Variants in PCP2 observed in about 807,000 individuals in gnomAD.
PCP2 encodes Purkinje cell protein 2 homolog.
PCP2 carries 21 observed loss-of-function variants against 18.3 expected under a neutral mutation model. That is an observed-to-expected ratio of 1.14 (90% confidence interval 0.81 to 1.65). The LOEUF (loss-of-function observed/expected upper bound fraction) is 1.65, where lower values mean the gene tolerates loss of function less well. Ranked by LOEUF, PCP2 falls within the 40% of genes most tolerant of loss-of-function variation. The probability of loss-of-function intolerance (pLI) is 0.00; values close to 1 mark genes in which losing one functional copy is unlikely to be tolerated. For synonymous variants in PCP2, 85 were observed against 77.6 expected (o/e 1.10, Z -0.50); for missense variants, 202 against 201.8 (o/e 1.00, Z 0.00).
chr19:7,634,751 C>T (rs2031464379), upstream of PCP2, among the ~76,000 whole-genome samples: 1 of 152,210 alleles, frequency 6.6e-6, no homozygotes, highest in South Asian at 2.1e-4. Context: ...CAGAGCTGTG[C>T]TCCCTCTGAA....
chr19:7,635,100 C>A (rs1177947621), upstream of PCP2, among the ~76,000 whole-genome samples: 1 of 152,166 alleles, frequency 6.6e-6, no homozygotes, highest in Non-Finnish European at 1.5e-5. Context: ...TACTTCATAT[C>A]TTTTGGGGGT....
chr19:7,633,366 G>A lies in PCP2; in HGVS notation c.51+41C>T, dbSNP rs771530779. 20 of 1,541,980 alleles carry A rather than the reference G, an allele frequency of 1.3e-5. No homozygotes were observed. In the South Asian group the frequency reaches 2.3e-4, roughly 17 times the overall value. The stretch of plus-strand genomic sequence containing the variant: ...TAGTCTTGTCAATCATGGGCTCTGA[G>A]ACCTTGAGCTGGGGGTGGGGTGGGG... On this transcript the variant is annotated intron_variant, in intron 1 of 3. Transcript: ENST00000311069.
intron 1 of PCP2, chr19:7,633,036 C>T (rs2031396974): frequency 1.4e-6 from 2 of 1,425,798 alleles, no homozygotes; most frequent in South Asian, 1.5e-5. Flanking sequence ...GCCCCAGGGG[C>T]CCTGGCCAGC....
In PCP2 at chr19:7,632,929, C is replaced by A; in HGVS notation, c.52-99G>T. 6.7e-7 allele frequency: 1 copy of A among 1,494,054 alleles called. No homozygotes were observed. The highest frequency in any genetic ancestry group is 8.9e-7 in the Non-Finnish European group (1 of 1,123,980). The allele number at this position is 1,494,054 out of a possible 1,614,324, so 92.5% of individuals were successfully genotyped here. A position where few individuals can be genotyped will look rare whatever the true frequency, so the allele number is the denominator to read the frequency against. ...CTCACACCCTGACCCCGGGGCCTGCCGTCCCCACTTCCTCAGCTCTCACCA... is the reference window on the plus strand; with the variant it reads ...CTCACACCCTGACCCCGGGGCCTGCAGTCCCCACTTCCTCAGCTCTCACCA... On this transcript the variant is annotated intron_variant, in intron 1 of 3. Transcript: ENST00000311069. This position sits in a 1 kb window ranked among gnomAD's most constrained non-coding sequence, Gnocchi z 5.2.
upstream of PCP2, among the ~76,000 whole-genome samples, chr19:7,634,206 C>G (rs540194448): frequency 1.4e-4 from 21 of 152,186 alleles, no homozygotes; most frequent in African/African-American, 4.8e-4. Flanking sequence ...CAGAGGCAGG[C>G]GGGGAGAGGA....
At position 7,633,099 on chromosome 19, in the gene PCP2, G is replaced by A. The variant is rs1028305784; in HGVS notation, c.52-269C>T. On this transcript the variant is annotated intron_variant, in intron 1 of 3. Coordinates refer to ENST00000311069, the MANE Select transcript of PCP2 (RefSeq NM_174895.3). The stretch of plus-strand genomic sequence containing the variant: ...AGGGACAGGCTCCGATGCGTGTCCC[G>A]CCGTCCTAGATTGGGGCCTGATGAG... 32 of 1,138,430 alleles carry A rather than the reference G, an allele frequency of 2.8e-5. No individual in the cohort carries two copies. The East Asian group carries it at 3.4e-4, about 12-fold the overall frequency. The allele number at this position is 1,138,430 out of a possible 1,614,324, so 70.5% of individuals were successfully genotyped here. A position where few individuals can be genotyped will look rare whatever the true frequency, so the allele number is the denominator to read the frequency against.
upstream of PCP2, chr19:7,633,785 G>A (rs1286606151): frequency 5.4e-6 from 2 of 370,574 alleles, no homozygotes; most frequent in Admixed American, 4.6e-5. Flanking sequence ...AGTTGGAGAA[G>A]GGAGGCCAAC....
chr19:7,632,666 C>A lies in PCP2; in HGVS notation c.166+50G>T. On this transcript the variant is annotated intron_variant, in intron 2 of 3. Coordinates refer to ENST00000311069, the MANE Select transcript of PCP2 (RefSeq NM_174895.3). This position sits in a 1 kb window ranked among gnomAD's most constrained non-coding sequence, Gnocchi z 5.2. Reference sequence around the variant, plus strand: ...CCTCCAGATGACCACTTGCCCTGCACTCCCACCCCGTTCACGCCCCATGGA... The same window carrying A: ...CCTCCAGATGACCACTTGCCCTGCAATCCCACCCCGTTCACGCCCCATGGA... 6.4e-7 allele frequency: 1 copy of A among 1,553,998 alleles called. No homozygotes were observed. The highest frequency in any genetic ancestry group is 1.2e-5 in the South Asian group (1 of 86,458).
chr19:7,633,469 CCA>C lies in PCP2; in HGVS notation c.-14_-13del. 6.4e-7 allele frequency: 1 copy of C among 1,572,750 alleles called. No homozygotes were observed. Among genetic ancestry groups the C allele is most frequent in the Non-Finnish European group, 8.6e-7 (1 of 1,157,606 alleles). On this transcript the variant is annotated 5_prime_UTR_variant, in exon 1 of 4. Coordinates refer to ENST00000311069, the MANE Select transcript of PCP2 (RefSeq NM_174895.3). ...TCCTGATCCATCATGTCCCTGGACT[CCA>C]GTCACTTTTCTGCTGGCCTCTGCCC...
chr19:7,631,711 TG>T lies in PCP2; in HGVS notation c.388del (p.Gln130SerfsTer22). ...CCCTCAGGGGGCTTGTGTCGGGGGC[TG>T]GGGGCTGCTGTTCCGACGGAAGCCG... ...ALGFRRNSSP[Q>X]PPTQAP On this transcript the variant is annotated frameshift_variant, in exon 4 of 4. Coordinates refer to ENST00000311069, the MANE Select transcript of PCP2 (RefSeq NM_174895.3). LOFTEE classifies it high-confidence loss of function. The T allele has an allele frequency of 1.4e-6, 2 of 1,447,828 alleles. No individual in the cohort carries two copies. The highest frequency in any genetic ancestry group is 1.9e-4 in the Middle Eastern group (1 of 5,344). The allele number at this position is 1,447,828 out of a possible 1,614,324, so 89.7% of individuals were successfully genotyped here.
At position 7,632,842 on chromosome 19, in the gene PCP2, C is replaced by T; in HGVS notation, c.52-12G>A. On this transcript the variant is annotated splice_polypyrimidine_tract_variant and intron_variant, in intron 1 of 3. Transcript: ENST00000311069. This position sits in a 1 kb window ranked among gnomAD's most constrained non-coding sequence, Gnocchi z 5.2. The stretch of plus-strand genomic sequence containing the variant: ...TCTGGGGAGCCCGCCTGGGGACAGA[C>T]TCGCTCAGTCTGGTTGGCCCTTCAG... The T allele has an allele frequency of 6.5e-7, 1 of 1,544,656 alleles. No homozygotes were observed.
Position 7,632,332 on chromosome 19 carries a change from G to A in PCP2, c.291+61C>T. ...CTGTTCCCTCCTGGCTGGGGTGGAG[G>A]GCAGGATCGGAGAGCACTGCCTGGC... On this transcript the variant is annotated intron_variant, in intron 3 of 3. Coordinates refer to ENST00000311069, the MANE Select transcript of PCP2 (RefSeq NM_174895.3). This position sits in a 1 kb window ranked among gnomAD's most constrained non-coding sequence, Gnocchi z 5.2. 1.2e-6 allele frequency: 2 copies of A among 1,600,278 alleles called. No homozygotes were observed. The highest frequency in any genetic ancestry group is 2.2e-5 in the South Asian group (2 of 89,638).
At chr19:7,635,768 G>A (rs1450718428), upstream of PCP2, among the ~76,000 whole-genome samples, 2 of 152,142 alleles carry the variant, frequency 1.3e-5, no homozygotes, top group Non-Finnish European at 2.9e-5. Context: ...GGAAAGGAAA[G>A]GAAGAAATAG....
upstream of PCP2, among the ~76,000 whole-genome samples, chr19:7,635,135 C>G (rs1258347795): frequency 1.3e-5 from 2 of 152,168 alleles, no homozygotes; most frequent in Non-Finnish European, 2.9e-5. Context: ...CTGGCCCTAA[C>G]AGCTCTCTGT....
chr19:7,632,607 G>C lies in PCP2; in HGVS notation c.167-90C>G. 1 of 1,590,156 alleles carries C rather than the reference G, an allele frequency of 6.3e-7. No homozygotes were observed. Among genetic ancestry groups the C allele is most frequent in the Admixed American group, 1.7e-5 (1 of 59,422 alleles). On this transcript the variant is annotated intron_variant, in intron 2 of 3. Transcript: ENST00000311069. The surrounding 1 kb of genome is among the most constrained non-coding windows in gnomAD (Gnocchi z 5.2). ...CACCCCCACACAGATGCTTCAGGGT[G>C]CACAACCACCTCCCACATCCCGTGC...
chr19:7,632,805 A>G lies in PCP2; in HGVS notation c.77T>C (p.Phe26Ser). 1.9e-6 allele frequency: 3 copies of G among 1,559,764 alleles called. No individual in the cohort carries two copies. The highest frequency in any genetic ancestry group is 2.6e-6 in the Non-Finnish European group (3 of 1,154,922). ...AEAGSPDQEG[F>S]FNLLSHVQGD... ...CTGCACGTGGCTCAGCAGATTGAAGAAGCCCTCCTGGTCTGGGGAGCCCGC... is the reference window on the plus strand; with the variant it reads ...CTGCACGTGGCTCAGCAGATTGAAGGAGCCCTCCTGGTCTGGGGAGCCCGC... The change falls in exon 2 of 4, where the codon TTC (phenylalanine) becomes TCC (serine). Residue 26 changes from phenylalanine (F) to serine (S), a missense_variant. Transcript: ENST00000311069. This position sits in a 1 kb window ranked among gnomAD's most constrained non-coding sequence, Gnocchi z 5.2.
In PCP2 at chr19:7,632,730, T is replaced by TGGCCC. The variant is rs748962844; in HGVS notation, c.147_151dup (p.Gln51ArgfsTer35). On this transcript the variant is annotated frameshift_variant, in exon 2 of 4. Transcript: ENST00000311069. LOFTEE classifies it high-confidence loss of function. This position sits in a 1 kb window ranked among gnomAD's most constrained non-coding sequence, Gnocchi z 5.2. ...CCCATGCTCACGGCTCTTGGTGGTC[T>TGGCCC]GGCCCGGCCCGGCTTGCAGTGAACA... 1.3e-6 allele frequency: 2 copies of TGGCCC among 1,560,750 alleles called. No homozygotes were observed. The highest frequency in any genetic ancestry group is 1.7e-6 in the Non-Finnish European group (2 of 1,158,294).
Position 7,632,414 on chromosome 19 carries a change from G to A in PCP2, c.270C>T (p.Gly90=). ...DQRVTVSSLP[G]FQPVGSKDGA... is the part of the protein sequence containing the mutation. Reference sequence around the variant, plus strand: ...CTACCTTGGACCCCACGGGCTGGAAGCCGGGCAGGCTGCTGACTGTCACAC... The same window carrying A: ...CTACCTTGGACCCCACGGGCTGGAAACCGGGCAGGCTGCTGACTGTCACAC... Residue 90 remains glycine, a synonymous_variant, in exon 3 of 4, where the codon GGC becomes GGT. Transcript: ENST00000311069. The surrounding 1 kb of genome is among the most constrained non-coding windows in gnomAD (Gnocchi z 5.2). 1.9e-6 allele frequency: 3 copies of A among 1,613,986 alleles called. No individual in the cohort carries two copies. Among genetic ancestry groups the A allele is most frequent in the Non-Finnish European group, 8.5e-7 (1 of 1,179,978 alleles).
Position 7,632,967 on chromosome 19 carries a change from AT to A in PCP2, c.52-138del, listed in dbSNP as rs1185443166. 2 of 1,467,930 alleles carry A rather than the reference AT, an allele frequency of 1.4e-6. No individual in the cohort carries two copies. The highest frequency in any genetic ancestry group is 1.8e-6 in the Non-Finnish European group (2 of 1,112,404). 90.9% of individuals were successfully genotyped at this position (1,467,930 alleles called of 1,614,324 possible). A position where few individuals can be genotyped will look rare whatever the true frequency, so the allele number is the denominator to read the frequency against. On this transcript the variant is annotated intron_variant, in intron 1 of 3. Coordinates refer to ENST00000311069, the MANE Select transcript of PCP2 (RefSeq NM_174895.3). This position sits in a 1 kb window ranked among gnomAD's most constrained non-coding sequence, Gnocchi z 5.2. ...TCAGCTCTCACCATGGTCCCCGCCGATCCTCTCTGCAGAGCTGTTCTGAATG... is the reference window on the plus strand; with the variant it reads ...TCAGCTCTCACCATGGTCCCCGCCGACCTCTCTGCAGAGCTGTTCTGAATG...
Sources: allele counts gnomAD v4.1 joint callset (sites outside exome capture counted in the v4.1 genomes callset), GRCh38; gene constraint gnomAD v4.1.1; non-coding constraint Gnocchi (gnomAD v3.1); transcripts MANE v1.5; gene names NCBI Gene and HGNC (gene_info 2026-07-23, HGNC 2026-07-21).